GAS7: variants seen among roughly 807,000 people sequenced by gnomAD.
GAS7 encodes the protein growth arrest-specific protein 7.
GAS7 carries 28 observed loss-of-function variants against 71.1 expected under a neutral mutation model. The observed-to-expected ratio is 0.39, with a 90% CI of 0.29 to 0.54. The LOEUF (loss-of-function observed/expected upper bound fraction) is 0.54, where lower values mean the gene tolerates loss of function less well. GAS7 is among the 20% of genes least tolerant of loss of function. The pLI, the probability that GAS7 is intolerant of heterozygous loss-of-function variation, is 0.62. For synonymous variants in GAS7, 258 were observed against 245.8 expected (o/e 1.05, Z -0.46); for missense variants, 436 against 627.8 (o/e 0.69, Z 3.27).
intron 1 of GAS7, among the ~76,000 whole-genome samples, chr17:10,191,498 G>A (rs995850233): frequency 1.4e-5 from 2 of 147,624 alleles, no homozygotes; most frequent in African/African-American, 5.0e-5. Flanking sequence ...CAAGGCAGCA[G>A]TGAGCCATGA....
At chr17:10,030,197 G>A (rs971121386) in intron 1 of GAS7, among the ~76,000 whole-genome samples, 7 of 152,186 alleles carry the variant, frequency 4.6e-5, no homozygotes, top group South Asian at 2.1e-4. Context: ...TACCTCTACC[G>A]GGTTGTATTG....
intron 1 of GAS7, among the ~76,000 whole-genome samples, chr17:10,128,355 C>T (rs968344335): frequency 1.3e-5 from 2 of 152,228 alleles, no homozygotes; most frequent in African/African-American, 4.8e-5. Flanking sequence ...CCTCTGGCTG[C>T]TCCCAGGAGC....
At chr17:10,187,481 AACGGCATTACTTAACTCAGTTACTC>A (rs1473186194) in intron 1 of GAS7, among the ~76,000 whole-genome samples, 1 of 152,172 alleles carries the variant, frequency 6.6e-6, no homozygotes, top group African/African-American at 2.4e-5. Context: ...TTTAGCCCTG[AACGGCATTACTTAACTCAGTTACTC>A]GCTTTGCTCA....
At chr17:10,085,134 G>A (rs1370266644) in intron 1 of GAS7, among the ~76,000 whole-genome samples, 1 of 152,190 alleles carries the variant, frequency 6.6e-6, no homozygotes, top group East Asian at 1.9e-4. Context: ...CCCGGTCTCT[G>A]CCCAGTCTAT....
intron 1 of GAS7, among the ~76,000 whole-genome samples, chr17:10,089,063 A>G (rs1490886780): frequency 6.6e-6 from 1 of 152,098 alleles, no homozygotes; most frequent in African/African-American, 2.4e-5. Context: ...CAGGAGACTG[A>G]GGCAGGAGAA....
chr17:9,915,974 GA>G lies in GAS7; in HGVS notation c.*1253del. On this transcript the variant is annotated 3_prime_UTR_variant, in exon 14 of 14. Transcript: ENST00000432992. ...CCAGGGATTGGAAGATGGAGAGAGG[GA>G]AAGGAGGTGCAGACACCAAGTAAGG... 4.3e-6 allele frequency: 1 copy of G among 233,160 alleles called. No homozygotes were observed. The highest frequency in any genetic ancestry group is 8.5e-6 in the Non-Finnish European group (1 of 117,982). The allele number at this position is 233,160 out of a possible 1,614,324, so 14.4% of individuals were successfully genotyped here.
At chr17:9,960,351 A>G (rs1165988514) in intron 4 of GAS7, among the ~76,000 whole-genome samples, 1 of 151,970 alleles carries the variant, frequency 6.6e-6, no homozygotes, top group South Asian at 2.1e-4. Flanking sequence ...CAGCACGCCC[A>G]GCTAATTTTT....
chr17:10,144,815 T>A (rs187259691), intron 1 of GAS7, among the ~76,000 whole-genome samples: 10 of 152,292 alleles, frequency 6.6e-5, no homozygotes, highest in African/African-American at 2.2e-4. Flanking sequence ...CCCAAAGCAC[T>A]GGGATTACAG....
intron 13 of GAS7, 131 bp from the exon 14 acceptor site, chr17:9,917,472 G>T: frequency 1.5e-6 from 1 of 660,476 alleles, no homozygotes; most frequent in South Asian, 1.7e-5. Context: ...GGGCCCCAGG[G>T]GGAGGCCCAT....
At chr17:10,117,936 C>T (rs553815098) in intron 1 of GAS7, among the ~76,000 whole-genome samples, 6 of 152,250 alleles carry the variant, frequency 3.9e-5, no homozygotes, top group South Asian at 4.1e-4. Context: ...TTGCCTCCAG[C>T]GGCTGGAAGG....
intron 4 of GAS7, among the ~76,000 whole-genome samples, chr17:9,965,958 G>C (rs182381638): frequency 6.6e-6 from 1 of 151,002 alleles, no homozygotes; most frequent in Non-Finnish European, 1.5e-5. Context: ...TCCGTGGAAA[G>C]TCCCTTTCCC....
chr17:10,070,341 C>CTTTTTT (rs71365713), intron 1 of GAS7, among the ~76,000 whole-genome samples: 29 of 106,120 alleles, frequency 2.7e-4, no homozygotes, highest in African/African-American at 7.4e-4. Flanking sequence ...TCTCTCTCTT[C>CTTTTTT]TTTTTTTTTT....
chr17:10,171,524 T>A (rs2074334931), intron 1 of GAS7, among the ~76,000 whole-genome samples: 1 of 152,328 alleles, frequency 6.6e-6, no homozygotes, highest in Admixed American at 6.5e-5. Flanking sequence ...CACCTGCAAC[T>A]TTTACAGAAC....
chr17:10,096,001 G>A, intron 1 of GAS7, among the ~76,000 whole-genome samples: 1 of 151,770 alleles, frequency 6.6e-6, no homozygotes, highest in Non-Finnish European at 1.5e-5. Context: ...ATGTTCCTTG[G>A]GGCTCCATCC....
intron 1 of GAS7, among the ~76,000 whole-genome samples, chr17:10,095,816 A>AT (rs1555532603): frequency 1.1e-3 from 172 of 151,860 alleles, no homozygotes; most frequent in African/African-American, 4.0e-3. Flanking sequence ...AAAAAAAAAA[A>AT]AATAAGGTTC....
intron 4 of GAS7, among the ~76,000 whole-genome samples, chr17:9,964,651 C>T (rs1474078839): frequency 1.3e-5 from 2 of 152,160 alleles, no homozygotes; most frequent in African/African-American, 4.8e-5. Flanking sequence ...CTTAAGGTAC[C>T]TTAATTCCTG....
rs76018642 is a variant in GAS7, at chr17:10,050,824, C to T, written c.184-30927G>A. On this transcript the variant is annotated intron_variant, in intron 1 of 13. Coordinates refer to ENST00000432992, the MANE Select transcript of GAS7 (RefSeq NM_201433.2). ...TTTTTTCCCCTACATCATTGAGATG[C>T]AAAGCTCCATTCAAACAAGGGGGCC... is the stretch of plus-strand genomic sequence containing the variant. Among the ~76,000 whole-genome samples the T allele has an allele frequency of 2.4e-3, 371 of 152,260 alleles. 2 individuals carry two copies. The highest frequency in any genetic ancestry group is 8.3e-3 in the African/African-American group (344 of 41,542).
chr17:10,023,272 T>C (rs1361949781), intron 1 of GAS7, among the ~76,000 whole-genome samples: 1 of 152,220 alleles, frequency 6.6e-6, no homozygotes, highest in Non-Finnish European at 1.5e-5. Flanking sequence ...ATCACCTTTC[T>C]GTTCTCTTAG....
At chr17:10,023,227 A>G (rs1017583571) in intron 1 of GAS7, among the ~76,000 whole-genome samples, 1 of 151,968 alleles carries the variant, frequency 6.6e-6, no homozygotes, top group African/African-American at 2.4e-5. Context: ...GCAGGGCCGC[A>G]CTCTGCCTCC....
Sources: allele counts gnomAD v4.1 joint callset (sites outside exome capture counted in the v4.1 genomes callset), GRCh38; gene constraint gnomAD v4.1.1; transcripts MANE v1.5; gene names NCBI Gene and HGNC (gene_info 2026-07-23, HGNC 2026-07-21).